ZPBP: variants seen among roughly 807,000 people sequenced by gnomAD.
The protein encoded by ZPBP is zona pellucida-binding protein 1.
ZPBP carries 26 observed loss-of-function variants against 44.8 expected under a neutral mutation model. The ratio of observed to expected loss-of-function variants is 0.58; its 90% CI spans 0.43 to 0.81. The LOEUF (loss-of-function observed/expected upper bound fraction) is 0.81. ZPBP is among the 30% of genes least tolerant of loss of function. The pLI is 0.00. For missense variants in ZPBP, 409 were observed against 434.0 expected (o/e 0.94, Z 0.51); for synonymous variants, 174 against 153.2 (o/e 1.14, Z -1.00).
rs866530996 is a variant in ZPBP at position 49,991,804 on chromosome 7, T to C, written c.784-8285A>G. 6.6e-5 allele frequency among the ~76,000 whole-genome samples: 10 copies of C among 152,186 alleles called. 1 individual carries two copies. Among genetic ancestry groups the C allele is most frequent in the Middle Eastern group, 6.8e-3 (2 of 294 alleles). ...AAAAATATGTCTATTTTTAGCCTTG[T>C]GGTGTCCTAGATACCCTGAGAAAAC... On this transcript the variant is annotated intron_variant, in intron 6 of 7. Transcript: ENST00000046087.
intron 3 of ZPBP, among the ~76,000 whole-genome samples, chr7:50,071,790 T>C (rs562362589): frequency 6.6e-6 from 1 of 150,864 alleles, no homozygotes; most frequent in East Asian, 2.0e-4. Context: ...CCTGCTGCCT[T>C]AAAAAAAAAG....
chr7:50,076,164 T>C (rs1045154604), intron 3 of ZPBP, among the ~76,000 whole-genome samples: 1 of 151,682 alleles, frequency 6.6e-6, no homozygotes, highest in African/African-American at 2.4e-5. Context: ...TGAACGATCA[T>C]GTTTTGATTA....
intron 6 of ZPBP, among the ~76,000 whole-genome samples, chr7:49,992,171 A>C (rs529140821): frequency 5.3e-5 from 8 of 152,252 alleles, no homozygotes; most frequent in Admixed American, 5.2e-4. Flanking sequence ...CAAAGTGGCT[A>C]TCTACTTACT....
chr7:50,044,946 C>T (rs961057719), intron 4 of ZPBP, among the ~76,000 whole-genome samples: 3 of 152,144 alleles, frequency 2.0e-5, no homozygotes, highest in African/African-American at 7.2e-5. Context: ...AAAAGCTTAT[C>T]CACCACGATC....
intron 7 of ZPBP, among the ~76,000 whole-genome samples, chr7:49,971,493 C>A (rs1004275240): frequency 6.6e-6 from 1 of 151,944 alleles, no homozygotes; most frequent in Non-Finnish European, 1.5e-5. Context: ...TGTATGCCAA[C>A]AAATTGGATA....
chr7:49,986,614 A>G (rs1229873335), intron 6 of ZPBP, among the ~76,000 whole-genome samples: 1 of 152,088 alleles, frequency 6.6e-6, no homozygotes, highest in Non-Finnish European at 1.5e-5. Flanking sequence ...CAGTTAACAC[A>G]GCCCTGAACT....
At chr7:50,031,592 G>A (rs1318257144) in intron 4 of ZPBP, among the ~76,000 whole-genome samples, 1 of 152,078 alleles carries the variant, frequency 6.6e-6, no homozygotes, top group African/African-American at 2.4e-5. Context: ...TATGTCACAT[G>A]TCCAATGCCT....
At chr7:49,864,501 G>T (rs1790798916) in intron 2 of ZPBP, among the ~76,000 whole-genome samples, 2 of 152,304 alleles carry the variant, frequency 1.3e-5, no homozygotes, top group Admixed American at 6.5e-5. Context: ...TCCCAAGGAA[G>T]CTCTTTCTGG....
At chr7:49,881,216 G>A (rs1791648790) in intron 2 of ZPBP, among the ~76,000 whole-genome samples, 1 of 152,122 alleles carries the variant, frequency 6.6e-6, no homozygotes, top group Admixed American at 6.6e-5. Flanking sequence ...GAGGAGGAGA[G>A]TCCTGTTCAG....
At chr7:50,075,754 T>A (rs1022292844) in intron 3 of ZPBP, among the ~76,000 whole-genome samples, 1 of 151,684 alleles carries the variant, frequency 6.6e-6, no homozygotes, top group African/African-American at 2.4e-5. Context: ...GATAGAAGCC[T>A]TAATAAAAAC....
the ZPBP span, among the ~76,000 whole-genome samples, chr7:49,842,023 C>T: frequency 4.4e-3 from 674 of 152,182 alleles, 4 homozygotes; most frequent in Middle Eastern, 0.014. Context: ...CTCGCCACCA[C>T]GCCCAGCTAA....
intron 4 of ZPBP, among the ~76,000 whole-genome samples, chr7:50,036,215 G>A (rs571971680): frequency 1.8e-4 from 28 of 152,284 alleles, no homozygotes; most frequent in Admixed American, 5.9e-4. Flanking sequence ...GTGCAGTGGC[G>A]TGATCTCGGC....
At chr7:50,092,219 T>C (rs766147027) in intron 1 of ZPBP, among the ~76,000 whole-genome samples, 2 of 152,204 alleles carry the variant, frequency 1.3e-5, no homozygotes, top group Non-Finnish European at 2.9e-5. Flanking sequence ...ATCTTTCTCC[T>C]ACATGGCAAT....
chr7:49,882,538 G>C (rs1791713974), intron 2 of ZPBP, among the ~76,000 whole-genome samples: 1 of 151,998 alleles, frequency 6.6e-6, no homozygotes, highest in Non-Finnish European at 1.5e-5. Context: ...GGGACACACA[G>C]AGAGAGAGAC....
intron 3 of ZPBP, among the ~76,000 whole-genome samples, chr7:50,063,567 GA>G (rs796630812): frequency 3.3e-5 from 5 of 152,258 alleles, no homozygotes; most frequent in African/African-American, 1.2e-4. Flanking sequence ...ACCTACCAGT[GA>G]GGGTTTTGAA....
chr7:49,874,686 A>G (rs964695596), intron 2 of ZPBP, among the ~76,000 whole-genome samples: 22 of 152,172 alleles, frequency 1.4e-4, no homozygotes, highest in Non-Finnish European at 2.5e-4. Context: ...AAATTGCTGT[A>G]ACCTTTACTT....
chr7:49,894,421 C>T (rs1449134599), intron 2 of ZPBP, among the ~76,000 whole-genome samples: 2 of 152,248 alleles, frequency 1.3e-5, no homozygotes, highest in African/African-American at 4.8e-5. Flanking sequence ...GCATGAGCCA[C>T]TGCACCTGAT....
rs1796970123 is a variant in ZPBP at position 49,981,663 on chromosome 7, A to ATATAT, written c.961+1674_961+1678dup. ...ATTATATAATATCTTGATATAAAAT[A>ATATAT]TATATTATATATTATATATAATAAT... On this transcript the variant is annotated intron_variant, in intron 7 of 7. Coordinates refer to ENST00000046087, the MANE Select transcript of ZPBP (RefSeq NM_007009.3). Among the ~76,000 whole-genome samples the ATATAT allele has an allele frequency of 3.1e-5, 2 of 65,398 alleles. 1 individual carries two copies. Among genetic ancestry groups the ATATAT allele is most frequent in the African/African-American group, 1.7e-4 (2 of 11,470 alleles). 42.9% of individuals were successfully genotyped at this position (65,398 alleles called of 152,430 possible).
intron 1 of ZPBP, chr7:49,917,899 C>T (rs1793808954): frequency 6.6e-6 from 1 of 151,966 alleles, no homozygotes; most frequent in African/African-American, 2.4e-5. Flanking sequence ...CAAATAAATA[C>T]AATTCTATTT....
Sources: gnomAD v4.1 joint callset for allele counts (sites outside exome capture counted in the v4.1 genomes callset) on GRCh38, gnomAD v4.1.1 for gene constraint, MANE v1.5 for transcripts, NCBI Gene and HGNC (gene_info 2026-07-23, HGNC 2026-07-21) for gene names.